The following DOK6 variants were observed in gnomAD, a reference collection of about 807,000 sequenced individuals.
DOK6 encodes downstream of tyrosine kinase 6.
Under a neutral mutation model 44.0 loss-of-function variants are expected in DOK6, and 22 were observed. The observed-to-expected ratio is 0.50, with a 90% CI of 0.36 to 0.71. The LOEUF (loss-of-function observed/expected upper bound fraction) is 0.71, where lower values mean the gene tolerates loss of function less well. DOK6 is among the 30% of genes least tolerant of loss of function. The pLI, the probability that DOK6 is intolerant of heterozygous loss-of-function variation, is 0.00. For missense variants in DOK6, 340 were observed against 416.4 expected (o/e 0.82, Z 1.60); for synonymous variants, 166 against 145.5 (o/e 1.14, Z -1.01).
intron 1 of DOK6, among the ~76,000 whole-genome samples, chr18:69,517,187 A>G (rs1981552207): frequency 6.6e-6 from 1 of 152,222 alleles, no homozygotes. Context: ...AAGTCAGAAT[A>G]GAGTCAAAGC....
At chr18:69,826,416 T>A (rs1249797280) in intron 7 of DOK6, among the ~76,000 whole-genome samples, 3 of 152,178 alleles carry the variant, frequency 2.0e-5, no homozygotes, top group Non-Finnish European at 4.4e-5. Context: ...TTCATAAAAA[T>A]ATATCTCAAA....
intron 1 of DOK6, among the ~76,000 whole-genome samples, chr18:69,467,357 T>C (rs1422710619): frequency 6.6e-6 from 1 of 152,104 alleles, no homozygotes; most frequent in African/African-American, 2.4e-5. Context: ...GTAACACAAA[T>C]AAAAAATTCA....
At chr18:69,409,117 C>A (rs1005587833) in intron 1 of DOK6, among the ~76,000 whole-genome samples, 12 of 152,094 alleles carry the variant, frequency 7.9e-5, no homozygotes, top group African/African-American at 2.4e-4. Flanking sequence ...CTCACAAAAT[C>A]TGATGATTTT....
At chr18:69,650,187 T>G (rs780191174) in intron 3 of DOK6, among the ~76,000 whole-genome samples, 3 of 152,168 alleles carry the variant, frequency 2.0e-5, no homozygotes, top group Non-Finnish European at 4.4e-5. Flanking sequence ...TTCTATGAAA[T>G]TATCATCTTT....
intron 1 of DOK6, among the ~76,000 whole-genome samples, chr18:69,534,162 C>T (rs1386434746): frequency 1.3e-5 from 2 of 152,156 alleles, no homozygotes; most frequent in Admixed American, 6.5e-5. Context: ...TGTAGTCCCA[C>T]TGCTATTAAG....
chr18:69,619,058 A>G (rs1357257407), intron 3 of DOK6, among the ~76,000 whole-genome samples: 2 of 152,068 alleles, frequency 1.3e-5, no homozygotes, highest in Non-Finnish European at 2.9e-5. Flanking sequence ...TACAAGAAAG[A>G]AAAGAGATGC....
At chr18:69,840,109 TGGCAATAGAACA>T (rs1205497028) in intron 7 of DOK6, among the ~76,000 whole-genome samples, 3 of 152,200 alleles carry the variant, frequency 2.0e-5, no homozygotes, top group African/African-American at 4.8e-5. Flanking sequence ...CAAACACACC[TGGCAATAGAACA>T]GGCTGAAAGC....
At chr18:69,586,529 T>C (rs1389813238) in intron 2 of DOK6, among the ~76,000 whole-genome samples, 2 of 152,190 alleles carry the variant, frequency 1.3e-5, no homozygotes, top group East Asian at 3.9e-4. Flanking sequence ...AGCCATTCCC[T>C]CTGAAAAATT....
intron 5 of DOK6, among the ~76,000 whole-genome samples, chr18:69,714,699 A>G (rs371021470): frequency 1.3e-5 from 2 of 152,346 alleles, no homozygotes; most frequent in East Asian, 1.9e-4. Flanking sequence ...CAATATACCA[A>G]TTGGTATAAA....
At chr18:69,507,951 TA>T (rs1163338536) in intron 1 of DOK6, among the ~76,000 whole-genome samples, 1 of 152,162 alleles carries the variant, frequency 6.6e-6, no homozygotes, top group African/African-American at 2.4e-5. Context: ...TTCCCAGACT[TA>T]GGGGAAAAGT....
At chr18:69,419,907 G>T (rs984790151) in intron 1 of DOK6, among the ~76,000 whole-genome samples, 1 of 152,090 alleles carries the variant, frequency 6.6e-6, no homozygotes, top group Admixed American at 6.6e-5. Flanking sequence ...GAGGCACTTT[G>T]TAATATCCAC....
intron 7 of DOK6, among the ~76,000 whole-genome samples, chr18:69,779,037 T>C (rs1207725566): frequency 6.6e-6 from 1 of 152,146 alleles, no homozygotes. Context: ...GATTTTAATA[T>C]ACAAAATACA....
At chr18:69,661,608 T>C (rs1026321624) in intron 3 of DOK6, 2 of 152,342 alleles carry the variant, frequency 1.3e-5, no homozygotes, top group Non-Finnish European at 1.5e-5. Flanking sequence ...GTATGTGTAA[T>C]TGTCGGGATA....
chr18:69,814,471 T>C (rs182577644), intron 7 of DOK6, among the ~76,000 whole-genome samples: 2 of 152,208 alleles, frequency 1.3e-5, no homozygotes, highest in Admixed American at 1.3e-4. Context: ...GAACACACAA[T>C]CTAGATCCCT....
At chr18:69,613,592 A>G (rs964977107) in intron 3 of DOK6, among the ~76,000 whole-genome samples, 2 of 152,168 alleles carry the variant, frequency 1.3e-5, no homozygotes, top group African/African-American at 2.4e-5. Flanking sequence ...TCTATTGAGG[A>G]TCCAAAAAAA....
chr18:69,565,266 T>G (rs1435376323), intron 2 of DOK6, among the ~76,000 whole-genome samples: 2 of 152,190 alleles, frequency 1.3e-5, no homozygotes, highest in Non-Finnish European at 2.9e-5. Flanking sequence ...AGATTTTAAT[T>G]TCTCATTGGT....
chr18:69,601,934 C>G (rs1199643113), intron 3 of DOK6, among the ~76,000 whole-genome samples: 2 of 152,014 alleles, frequency 1.3e-5, no homozygotes, highest in Non-Finnish European at 2.9e-5. Flanking sequence ...AATTTGAATA[C>G]TAAAATAAAG....
chr18:69,631,185 T>C (rs1984682635), intron 3 of DOK6, among the ~76,000 whole-genome samples: 1 of 152,138 alleles, frequency 6.6e-6, no homozygotes, highest in Non-Finnish European at 1.5e-5. Flanking sequence ...ATCAAGGAAA[T>C]ATATACAAAA....
intron 6 of DOK6, among the ~76,000 whole-genome samples, chr18:69,740,498 A>G (rs1771377990): frequency 6.6e-6 from 1 of 152,186 alleles, no homozygotes; most frequent in Non-Finnish European, 1.5e-5. Context: ...TAGTTGTTTT[A>G]AACAAGCAAA....
Sources: gnomAD v4.1 joint callset for allele counts (sites outside exome capture counted in the v4.1 genomes callset) on GRCh38, gnomAD v4.1.1 for gene constraint, MANE v1.5 for transcripts, NCBI Gene and HGNC (gene_info 2026-07-23, HGNC 2026-07-21) for gene names.